EPHA7: variants seen among roughly 807,000 people sequenced by gnomAD.
EPHA7 encodes the protein ephrin type-A receptor 7.
A neutral mutation model predicts 112.6 loss-of-function variants in EPHA7; 25 were observed. The ratio of observed to expected loss-of-function variants is 0.22; its 90% CI spans 0.16 to 0.31. EPHA7 has a LOEUF of 0.31. Ranked by LOEUF, EPHA7 falls within the 10% of genes least tolerant of loss-of-function variation. EPHA7 has a pLI of 1.00. For synonymous variants in EPHA7, 437 were observed against 406.5 expected (o/e 1.07, Z -0.90); for missense variants, 962 against 1,212.6 (o/e 0.79, Z 3.07).
intron 3 of EPHA7, among the ~76,000 whole-genome samples, chr6:93,361,368 T>C (rs1250333680): frequency 1.3e-5 from 2 of 151,280 alleles, no homozygotes; most frequent in African/African-American, 4.9e-5. Context: ...GCCAAGAACA[T>C]GCAAAAAAAA....
At chr6:93,291,356 G>GT (rs930448875) in intron 5 of EPHA7, among the ~76,000 whole-genome samples, 3 of 151,972 alleles carry the variant, frequency 2.0e-5, no homozygotes, top group African/African-American at 7.3e-5. Context: ...TACGGTTTTT[G>GT]TTTTTTTAGT....
chr6:93,274,064 C>T (rs2127885338), intron 5 of EPHA7, among the ~76,000 whole-genome samples: 1 of 152,102 alleles, frequency 6.6e-6, no homozygotes, highest in African/African-American at 2.4e-5. Flanking sequence ...TACTGAGTTA[C>T]CCAGGAGTTG....
chr6:93,265,004 A>T (rs1770863733), intron 7 of EPHA7, among the ~76,000 whole-genome samples: 1 of 151,634 alleles, frequency 6.6e-6, no homozygotes, highest in Non-Finnish European at 1.5e-5. Context: ...GACACATCTG[A>T]TCTGCATGTG....
At chr6:93,355,127 G>A (rs1775881419) in intron 5 of EPHA7, among the ~76,000 whole-genome samples, 1 of 152,104 alleles carries the variant, frequency 6.6e-6, no homozygotes, top group African/African-American at 2.4e-5. Context: ...GGATAAATAT[G>A]TCTAATAAAA....
intron 5 of EPHA7, among the ~76,000 whole-genome samples, chr6:93,349,442 T>C (rs1032488394): frequency 2.6e-5 from 4 of 151,890 alleles, no homozygotes; most frequent in Admixed American, 2.0e-4. Context: ...GAAATGCATA[T>C]TTTGAACAGT....
At chr6:93,387,906 C>T (rs1777694756) in intron 3 of EPHA7, among the ~76,000 whole-genome samples, 2 of 139,676 alleles carry the variant, frequency 1.4e-5, no homozygotes, top group South Asian at 2.3e-4. Context: ...TAAAGCCAGA[C>T]CATCTTAGAT....
At chr6:93,272,265 A>G (rs372784900) in intron 6 of EPHA7, 33 bp downstream of exon 6, 1 of 1,609,528 alleles carries the variant, frequency 6.2e-7, no homozygotes, top group Non-Finnish European at 8.5e-7. Context: ...GACACACAGC[A>G]CATTGTACAT....
At chr6:93,294,288 C>CT in intron 5 of EPHA7, among the ~76,000 whole-genome samples, 1 of 152,214 alleles carries the variant, frequency 6.6e-6, no homozygotes, top group South Asian at 2.1e-4. Flanking sequence ...AAAATAAATT[C>CT]TTTTTCATGT....
intron 5 of EPHA7, among the ~76,000 whole-genome samples, chr6:93,338,628 G>A (rs749115994): frequency 9.2e-5 from 14 of 151,666 alleles, no homozygotes; most frequent in Non-Finnish European, 1.5e-4. Context: ...AATAATAATC[G>A]AAACAATAAA....
At chr6:93,361,607 T>C (rs1294763519) in intron 3 of EPHA7, among the ~76,000 whole-genome samples, 1 of 152,036 alleles carries the variant, frequency 6.6e-6, no homozygotes, top group African/African-American at 2.4e-5. Context: ...TACTTGGAAA[T>C]CCAGGCAATT....
intron 5 of EPHA7, among the ~76,000 whole-genome samples, chr6:93,291,832 G>T (rs1772397834): frequency 7.1e-6 from 1 of 140,648 alleles, no homozygotes; most frequent in African/African-American, 2.6e-5. Flanking sequence ...ACAAAAACAA[G>T]AATTATTTGT....
intron 3 of EPHA7, among the ~76,000 whole-genome samples, chr6:93,384,533 A>C (rs1204051957): frequency 6.6e-6 from 1 of 152,140 alleles, no homozygotes; most frequent in Admixed American, 6.6e-5. Flanking sequence ...TAGCTTTATC[A>C]CTATAATCCT....
intron 3 of EPHA7, among the ~76,000 whole-genome samples, chr6:93,394,868 C>T (rs1258671051): frequency 1.3e-5 from 2 of 151,796 alleles, no homozygotes; most frequent in African/African-American, 2.4e-5. Context: ...TTCCCCAAAT[C>T]CTTAAATTCC....
At chr6:93,315,742 A>G (rs1436754990) in intron 5 of EPHA7, among the ~76,000 whole-genome samples, 1 of 152,174 alleles carries the variant, frequency 6.6e-6, no homozygotes, top group Non-Finnish European at 1.5e-5. Context: ...CTTTTTACCT[A>G]AGAAGTACTG....
At chr6:93,278,262 A>C (rs2127892306) in intron 5 of EPHA7, among the ~76,000 whole-genome samples, 1 of 152,142 alleles carries the variant, frequency 6.6e-6, no homozygotes, top group East Asian at 1.9e-4. Flanking sequence ...ACTCCTCCTA[A>C]TCTCTGCTAA....
intron 14 of EPHA7, among the ~76,000 whole-genome samples, chr6:93,249,691 C>A (rs1770119296): frequency 6.6e-6 from 1 of 152,140 alleles, no homozygotes; most frequent in African/African-American, 2.4e-5. Context: ...TATAGCTTAT[C>A]TTCAGGTGTC....
chr6:93,253,647 C>T (rs1770312548), intron 14 of EPHA7, among the ~76,000 whole-genome samples: 1 of 152,042 alleles, frequency 6.6e-6, no homozygotes, highest in African/African-American at 2.4e-5. Context: ...CACAAGTGTA[C>T]TACATCTCTG....
chr6:93,372,472 AT>A (rs1163490979), intron 3 of EPHA7, among the ~76,000 whole-genome samples: 3 of 152,158 alleles, frequency 2.0e-5, no homozygotes, highest in African/African-American at 7.2e-5. Context: ...ATGTTAAAAG[AT>A]AATGTCTAGA....
At chr6:93,356,668 C>G (rs368020423) in intron 5 of EPHA7, 49 bp downstream of exon 5, 1 of 1,501,518 alleles carries the variant, frequency 6.7e-7, no homozygotes, top group Non-Finnish European at 9.1e-7. Flanking sequence ...AGACACCTCA[C>G]TTAGGTAGTC....
Sources: gnomAD v4.1 joint callset for allele counts (sites outside exome capture counted in the v4.1 genomes callset) on GRCh38, gnomAD v4.1.1 for gene constraint, MANE v1.5 for transcripts, NCBI Gene and HGNC (gene_info 2026-07-23, HGNC 2026-07-21) for gene names.